SMOC1: variants seen among roughly 807,000 people sequenced by gnomAD.
SMOC1 encodes the protein SPARC-related modular calcium-binding protein 1.
Under a neutral mutation model 56.3 loss-of-function variants are expected in SMOC1, and 22 were observed. The observed-to-expected ratio is 0.39, with a 90% CI of 0.28 to 0.56. The LOEUF is 0.56. Ranked by LOEUF, SMOC1 falls within the 20% of genes least tolerant of loss-of-function variation. SMOC1 has a pLI of 0.61. For synonymous variants in SMOC1, 193 were observed against 215.0 expected, an observed-to-expected ratio of 0.90 and a Z score of 0.89; for missense variants, 509 against 565.4, an observed-to-expected ratio of 0.90 and a Z score of 1.01.
chr14:69,898,697 C>T (rs753121215), intron 1 of SMOC1, among the ~76,000 whole-genome samples: 18 of 152,248 alleles, frequency 1.2e-4, no homozygotes, highest in East Asian at 5.8e-4. Context: ...ATGTTGTTTA[C>T]GTTTTCCATT....
intron 1 of SMOC1, among the ~76,000 whole-genome samples, chr14:69,903,357 A>G (rs557059145): frequency 4.5e-4 from 68 of 150,462 alleles, no homozygotes; most frequent in African/African-American, 1.6e-3. Flanking sequence ...GCTCCGTCTG[A>G]GAAGTGAGGA....
intron 7 of SMOC1, among the ~76,000 whole-genome samples, chr14:70,009,521 G>C (rs1002522147): frequency 6.6e-6 from 1 of 152,208 alleles, no homozygotes; most frequent in Non-Finnish European, 1.5e-5. Flanking sequence ...CTGATACCAA[G>C]TTCCTTGCTC....
In SMOC1 at chr14:70,031,053, A is replaced by G. The variant is rs2139634419; in HGVS notation, c.*795A>G. 1 of 152,318 alleles carries G rather than the reference A, an allele frequency of 6.6e-6. No homozygotes were observed. Among genetic ancestry groups the G allele is most frequent in the Non-Finnish European group, 1.5e-5 (1 of 68,054 alleles). 9.4% of individuals were successfully genotyped at this position (152,318 alleles called of 1,614,324 possible). ...AGGGCCCAGCATTGGTGGGTGCACC[A>G]GTATCTTAGTGACCCTCGGAGCAAA... On this transcript the variant is annotated 3_prime_UTR_variant, in exon 12 of 12. Coordinates refer to ENST00000361956, the MANE Select transcript of SMOC1 (RefSeq NM_001034852.3).
intron 5 of SMOC1, among the ~76,000 whole-genome samples, chr14:69,990,070 A>T (rs1884507341): frequency 1.3e-5 from 2 of 152,338 alleles, no homozygotes; most frequent in South Asian, 4.1e-4. Context: ...ACCCTGCAGG[A>T]AGATTCCTTC....
At chr14:69,927,358 G>A (rs1885037327) in intron 1 of SMOC1, among the ~76,000 whole-genome samples, 1 of 152,228 alleles carries the variant, frequency 6.6e-6, no homozygotes, top group African/African-American at 2.4e-5. Flanking sequence ...AATGTGAGGG[G>A]ATGGAGGATA....
Position 70,030,304 on chromosome 14 carries a change from T to A in SMOC1, c.*46T>A. 2 of 1,612,356 alleles carry A rather than the reference T, an allele frequency of 1.2e-6. No individual in the cohort carries two copies. The highest frequency in any genetic ancestry group is 1.7e-4 in the Middle Eastern group (1 of 6,048). On this transcript the variant is annotated 3_prime_UTR_variant, in exon 12 of 12. Transcript: ENST00000361956. ...AGGTGGAGAGTCCAGGGAGGCAGGA[T>A]GGATCACCAGACACCTAACCTTCAG... is the stretch of plus-strand genomic sequence containing the variant.
rs148037201 is a variant in SMOC1 at position 69,971,041 on chromosome 14, C to T, written c.379-4674C>T. Among the ~76,000 whole-genome samples, 724 of 152,100 alleles carry T rather than the reference C, an allele frequency of 4.8e-3. 3 individuals carry two copies. The highest frequency in any genetic ancestry group is 0.018 in the South Asian group (87 of 4,810). On this transcript the variant is annotated intron_variant, in intron 3 of 11. Transcript: ENST00000361956. The stretch of plus-strand genomic sequence containing the variant: ...CTAGTTACATTCTTTTTTTTGGAGA[C>T]GGAATCTCACTTTATTGCCCAGGCT...
intron 5 of SMOC1, among the ~76,000 whole-genome samples, chr14:69,987,512 C>T (rs1261372559): frequency 6.6e-6 from 1 of 152,216 alleles, no homozygotes; most frequent in Non-Finnish European, 1.5e-5. Flanking sequence ...TCATTGTACA[C>T]CCAAACAATT....
chr14:69,896,304 CAA>C (rs1884097958), intron 1 of SMOC1, among the ~76,000 whole-genome samples: 1 of 152,160 alleles, frequency 6.6e-6, no homozygotes, highest in South Asian at 2.1e-4. Context: ...GGCTTGGGGT[CAA>C]AGAGACCTGA....
intron 1 of SMOC1, among the ~76,000 whole-genome samples, chr14:69,944,938 T>C (rs1295517160): frequency 1.3e-5 from 2 of 152,226 alleles, no homozygotes; most frequent in Non-Finnish European, 2.9e-5. Flanking sequence ...ATGTGACTTT[T>C]ATTATCTAAG....
intron 1 of SMOC1, among the ~76,000 whole-genome samples, chr14:69,948,854 G>A (rs146389012): frequency 2.0e-4 from 30 of 152,290 alleles, no homozygotes; most frequent in East Asian, 7.7e-4. Flanking sequence ...GCCCAGAGAA[G>A]CTAGGCAACG....
intron 5 of SMOC1, among the ~76,000 whole-genome samples, chr14:69,991,852 G>C (rs900662979): frequency 1.1e-4 from 16 of 152,312 alleles, no homozygotes; most frequent in Admixed American, 9.8e-4. Flanking sequence ...AGAGAGAATG[G>C]TTCTTCCTGC....
chr14:69,992,541 G>A (rs941241224), intron 6 of SMOC1, 68 bp downstream of exon 6: 21 of 1,172,636 alleles, frequency 1.8e-5, no homozygotes, highest in Non-Finnish European at 2.3e-5. Context: ...AAGTCTTAAC[G>A]TTGGATGTTT....
At chr14:70,024,870 G>A (rs1438919431) in intron 11 of SMOC1, among the ~76,000 whole-genome samples, 1 of 152,188 alleles carries the variant, frequency 6.6e-6, no homozygotes, top group Non-Finnish European at 1.5e-5. Context: ...GTTTCAGGGT[G>A]GGACATGGAT....
chr14:69,994,352 A>G, intron 6 of SMOC1, 48 bp from the exon 7 acceptor site: 1 of 1,446,494 alleles, frequency 6.9e-7, no homozygotes, highest in Non-Finnish European at 9.7e-7. Context: ...TTCCACTCAC[A>G]TAGTCTCTTT....
intron 1 of SMOC1, among the ~76,000 whole-genome samples, chr14:69,924,613 C>T (rs1416220394): frequency 6.6e-6 from 1 of 151,068 alleles, no homozygotes; most frequent in African/African-American, 2.4e-5. Context: ...CATTCTTCTG[C>T]CTGTCTTGTA....
At chr14:70,013,622 A>T in intron 10 of SMOC1, 131 bp downstream of exon 10, 1 of 794,326 alleles carries the variant, frequency 1.3e-6, no homozygotes, top group South Asian at 1.4e-5. Flanking sequence ...TTTTTCCTGA[A>T]ACCATGTACC....
At chr14:69,939,756 A>T (rs1882476621) in intron 1 of SMOC1, among the ~76,000 whole-genome samples, 1 of 152,206 alleles carries the variant, frequency 6.6e-6, no homozygotes, top group African/African-American at 2.4e-5. Context: ...TAAGACCCTC[A>T]TCTGCTCAAA....
At chr14:69,973,522 C>T (rs934671442) in intron 3 of SMOC1, among the ~76,000 whole-genome samples, 3 of 152,112 alleles carry the variant, frequency 2.0e-5, no homozygotes, top group African/African-American at 7.2e-5. Flanking sequence ...CTTGGATGAA[C>T]ATTTGGGGTA....
Sources: allele counts gnomAD v4.1 joint callset (sites outside exome capture counted in the v4.1 genomes callset), GRCh38; gene constraint gnomAD v4.1.1; transcripts MANE v1.5; gene names NCBI Gene and HGNC (gene_info 2026-07-23, HGNC 2026-07-21).